Variants in CLDN10 observed in about 807,000 individuals in gnomAD.
The protein encoded by CLDN10 is claudin-10.
CLDN10 carries 15 observed loss-of-function variants against 22.9 expected under a neutral mutation model. The observed-to-expected ratio is 0.65, with a 90% CI of 0.44 to 1.01. CLDN10 has a LOEUF of 1.01. Among genes scored for constraint, CLDN10 ranks in the 50% least tolerant of loss-of-function variants. The pLI is 0.00. For synonymous variants in CLDN10, 114 were observed against 111.4 expected (o/e 1.02, Z -0.15); for missense variants, 247 against 287.8 (o/e 0.86, Z 1.03).
chr13:95,449,139 A>G (rs1233922427), intron 1 of CLDN10, among the ~76,000 whole-genome samples: 2 of 152,076 alleles, frequency 1.3e-5, no homozygotes, highest in African/African-American at 2.4e-5. Flanking sequence ...TCCCTCCTCC[A>G]TTCCTTCCAG....
intron 1 of CLDN10, among the ~76,000 whole-genome samples, chr13:95,434,563 G>GTGTGTATATATATATGCACACATT: frequency 6.7e-6 from 1 of 149,524 alleles, no homozygotes; most frequent in African/African-American, 2.5e-5. Context: ...ATGCACACAT[G>GTGTGTATATATATATGCACACATT]TGTGTATATA....
chr13:95,509,042 A>T (rs2138556221), intron 1 of CLDN10, among the ~76,000 whole-genome samples: 1 of 152,310 alleles, frequency 6.6e-6, no homozygotes, highest in Non-Finnish European at 1.5e-5. Flanking sequence ...GAGGCTGAAG[A>T]TGTCCACTGC....
intron 1 of CLDN10, among the ~76,000 whole-genome samples, chr13:95,470,837 G>C (rs2042623269): frequency 6.6e-6 from 1 of 152,156 alleles, no homozygotes; most frequent in African/African-American, 2.4e-5. Flanking sequence ...AACGGTGAAA[G>C]AGAAGCAAGT....
chr13:95,434,841 G>A (rs1437145954), intron 1 of CLDN10, among the ~76,000 whole-genome samples: 1 of 151,762 alleles, frequency 6.6e-6, no homozygotes, highest in Non-Finnish European at 1.5e-5. Context: ...AACGAAGGAA[G>A]GAATTCTATT....
chr13:95,468,422 G>T (rs1206032276), intron 1 of CLDN10, among the ~76,000 whole-genome samples: 4 of 152,088 alleles, frequency 2.6e-5, no homozygotes, highest in Non-Finnish European at 4.4e-5. Context: ...AACCAGAAAT[G>T]GTATTTAGAG....
chr13:95,566,418 G>A (rs1168448171), intron 3 of CLDN10, among the ~76,000 whole-genome samples: 2 of 152,184 alleles, frequency 1.3e-5, no homozygotes, highest in African/African-American at 4.8e-5. Flanking sequence ...CTGCATAAAT[G>A]TCTTCTTTTG....
upstream of CLDN10, among the ~76,000 whole-genome samples, chr13:95,549,712 GAA>G (rs2043545087): frequency 6.6e-6 from 1 of 152,168 alleles, no homozygotes; most frequent in Admixed American, 6.5e-5. Context: ...GGAAGATAAA[GAA>G]AAGAGTTTAG....
chr13:95,476,206 A>G (rs2042684706), intron 1 of CLDN10, among the ~76,000 whole-genome samples: 1 of 151,870 alleles, frequency 6.6e-6, no homozygotes, highest in Non-Finnish European at 1.5e-5. Flanking sequence ...TGTGGAGCTC[A>G]AGAGGGGAGC....
intron 1 of CLDN10, among the ~76,000 whole-genome samples, chr13:95,529,727 A>G (rs2043320836): frequency 6.6e-6 from 1 of 152,156 alleles, no homozygotes; most frequent in Non-Finnish European, 1.5e-5. Context: ...CTCTGGTCAT[A>G]TCCAGGATTT....
intron 1 of CLDN10, among the ~76,000 whole-genome samples, chr13:95,516,064 A>G (rs1223398630): frequency 6.7e-6 from 1 of 149,540 alleles, no homozygotes; most frequent in Admixed American, 6.7e-5. Context: ...ATTGAGCAAG[A>G]CTCTGTCTCC....
chr13:95,433,911 T>C, exon 1 of CLDN10: 2 of 1,614,164 alleles, frequency 1.2e-6, no homozygotes, highest in Non-Finnish European at 1.7e-6. Flanking sequence ...CCACGTCCAA[T>C]GAGTGGAAAG....
chr13:95,502,357 T>C (rs1474808567), intron 1 of CLDN10, among the ~76,000 whole-genome samples: 6 of 152,306 alleles, frequency 3.9e-5, no homozygotes, highest in African/African-American at 9.6e-5. Context: ...ATTTCTCACC[T>C]CTCAAATGTC....
Position 95,552,965 on chromosome 13 carries a change from C to T in CLDN10, c.212C>T (p.Ala71Val), listed in dbSNP as rs1476968737. 6.2e-7 allele frequency: 1 copy of T among 1,613,864 alleles called. No homozygotes were observed. The highest frequency in any genetic ancestry group is 1.1e-5 in the South Asian group (1 of 91,070). The change falls in exon 1 of 5, where the codon GCG becomes GTG. Residue 71 changes from alanine to valine, a missense_variant. Coordinates refer to ENST00000299339, the MANE Select transcript of CLDN10 (RefSeq NM_006984.5). Reference protein sequence around the residue: ...SNCKDFPSMLALDGYIQACRG... With the variant: ...SNCKDFPSMLVLDGYIQACRG... ...TGCAAGGACTTCCCCTCCATGCTGG[C>T]GCTGGACGGTCTGCATCCCCGCGGC... is the stretch of plus-strand genomic sequence containing the variant.
chr13:95,479,211 T>C (rs1036585164), intron 1 of CLDN10, among the ~76,000 whole-genome samples: 2 of 152,050 alleles, frequency 1.3e-5, no homozygotes, highest in Non-Finnish European at 2.9e-5. Flanking sequence ...TAGCCGGGTG[T>C]GGTGGCGGGT....
At chr13:95,483,311 A>G (rs77281438) in intron 1 of CLDN10, among the ~76,000 whole-genome samples, 4,329 of 152,206 alleles carry the variant, frequency 0.028, 85 homozygotes, top group Middle Eastern at 0.071. Context: ...AAATTATCTA[A>G]GCTTATTTCT....
At chr13:95,478,900 G>C (rs570979480) in intron 1 of CLDN10, among the ~76,000 whole-genome samples, 7 of 152,304 alleles carry the variant, frequency 4.6e-5, no homozygotes, top group Admixed American at 1.3e-4. Context: ...ATAGGTCACT[G>C]GCCAAGCACT....
intron 1 of CLDN10, among the ~76,000 whole-genome samples, chr13:95,523,156 T>C (rs1335234898): frequency 1.3e-5 from 2 of 152,090 alleles, no homozygotes; most frequent in Non-Finnish European, 2.9e-5. Flanking sequence ...TTTGTATTAA[T>C]TTGCTTATTA....
chr13:95,569,847 C>T (rs1241169516), intron 3 of CLDN10, among the ~76,000 whole-genome samples: 1 of 151,652 alleles, frequency 6.6e-6, no homozygotes, highest in Non-Finnish European at 1.5e-5. Context: ...CGGCTCACTG[C>T]AAGCACCGCC....
chr13:95,480,619 C>T (rs574055692), intron 1 of CLDN10, among the ~76,000 whole-genome samples: 42 of 152,312 alleles, frequency 2.8e-4, no homozygotes, highest in Admixed American at 2.6e-4. Context: ...TGAACCAGAA[C>T]CACTGGGAAA....
Sources: gnomAD v4.1 joint callset for allele counts (sites outside exome capture counted in the v4.1 genomes callset) on GRCh38, gnomAD v4.1.1 for gene constraint, MANE v1.5 for transcripts, NCBI Gene and HGNC (gene_info 2026-07-23, HGNC 2026-07-21) for gene names.